Variants in GALNT10 observed in about 807,000 individuals in gnomAD.
GALNT10 encodes the protein GalNAc transferase 10.
A neutral mutation model predicts 75.0 loss-of-function variants in GALNT10; 41 were observed. That is an observed-to-expected ratio of 0.55 (90% CI 0.43 to 0.71). The LOEUF (loss-of-function observed/expected upper bound fraction) is 0.71. GALNT10 is among the 30% of genes least tolerant of loss of function. GALNT10 has a pLI of 0.00. For missense variants in GALNT10, 727 were observed against 818.5 expected, an observed-to-expected ratio of 0.89 and a Z score of 1.36; for synonymous variants, 302 against 313.0, an observed-to-expected ratio of 0.96 and a Z score of 0.37.
intron 1 of GALNT10, among the ~76,000 whole-genome samples, chr5:154,271,696 A>T (rs963892288): frequency 3.9e-5 from 6 of 152,210 alleles, no homozygotes; most frequent in Admixed American, 3.9e-4. Flanking sequence ...TGGATGCCAC[A>T]TGTCCAGTCA....
chr5:154,342,479 T>A (rs984819044), intron 4 of GALNT10, among the ~76,000 whole-genome samples: 5 of 152,214 alleles, frequency 3.3e-5, no homozygotes, highest in Admixed American at 6.5e-5. Context: ...GATTCGGTGG[T>A]TCTAGGGTGG....
intron 3 of GALNT10, among the ~76,000 whole-genome samples, chr5:154,305,088 G>T (rs1489721965): frequency 6.6e-6 from 1 of 152,088 alleles, no homozygotes; most frequent in African/African-American, 2.4e-5. Flanking sequence ...GATCGCTTAA[G>T]CCTAGGAGTT....
chr5:154,313,873 C>T (rs1375996483), intron 3 of GALNT10, among the ~76,000 whole-genome samples: 2 of 152,190 alleles, frequency 1.3e-5, no homozygotes, highest in Non-Finnish European at 2.9e-5. Flanking sequence ...TTTTCACACT[C>T]TACCCACTAA....
chr5:154,394,966 C>T (rs1047742002), intron 7 of GALNT10, among the ~76,000 whole-genome samples: 6 of 152,224 alleles, frequency 3.9e-5, no homozygotes, highest in Admixed American at 1.3e-4. Context: ...GCATTCTGCT[C>T]ATGACTCTCG....
intron 8 of GALNT10, among the ~76,000 whole-genome samples, chr5:154,407,534 AC>A (rs758270530): frequency 2.4e-4 from 36 of 152,284 alleles, no homozygotes; most frequent in Admixed American, 1.2e-3. Context: ...ATCATTCTTA[AC>A]CAGTCTGGCC....
intron 4 of GALNT10, among the ~76,000 whole-genome samples, chr5:154,354,747 C>T (rs888680119): frequency 6.6e-6 from 1 of 152,112 alleles, no homozygotes; most frequent in African/African-American, 2.4e-5. Flanking sequence ...GTGTCTAGTA[C>T]GTCTTTATAT....
intron 1 of GALNT10, among the ~76,000 whole-genome samples, chr5:154,280,847 T>C (rs537242738): frequency 2.0e-5 from 3 of 152,334 alleles, no homozygotes; most frequent in African/African-American, 7.2e-5. Context: ...GACATATGAA[T>C]ATCTAATTGT....
rs1033506783 is a variant in GALNT10 at position 154,402,409 on chromosome 5, G to A, written c.1057-1695G>A. On this transcript the variant is annotated intron_variant, in intron 7 of 11. Coordinates refer to ENST00000297107, the MANE Select transcript of GALNT10 (RefSeq NM_198321.4). This position sits in a 1 kb window ranked among gnomAD's most constrained non-coding sequence, Gnocchi z 4.2. ...CGAAGTGAGGCTTTCCCTGACTGGG[G>A]AGCATAAAGTAGCATCTCTCACATC... Among the ~76,000 whole-genome samples the A allele has an allele frequency of 2.0e-5, 3 of 152,192 alleles. No individual in the cohort carries two copies. The highest frequency in any genetic ancestry group is 7.2e-5 in the African/African-American group (3 of 41,432).
intron 4 of GALNT10, among the ~76,000 whole-genome samples, chr5:154,333,537 T>C (rs1754897907): frequency 6.6e-6 from 1 of 152,114 alleles, no homozygotes. Context: ...GTGTACATAG[T>C]GGTAAAGATA....
At chr5:154,326,649 C>T (rs1457577028) in intron 3 of GALNT10, among the ~76,000 whole-genome samples, 1 of 152,052 alleles carries the variant, frequency 6.6e-6, no homozygotes, top group Non-Finnish European at 1.5e-5. Context: ...ACACAAAAAG[C>T]CTCAAATATG....
intron 1 of GALNT10, among the ~76,000 whole-genome samples, chr5:154,193,391 T>C (rs2113637153): frequency 6.6e-6 from 1 of 152,362 alleles, no homozygotes; most frequent in South Asian, 2.1e-4. Context: ...GTTGTTTGAA[T>C]GTCAGCTGGC....
At chr5:154,222,511 A>T (rs1188639016) in intron 1 of GALNT10, among the ~76,000 whole-genome samples, 1 of 152,114 alleles carries the variant, frequency 6.6e-6, no homozygotes, top group Non-Finnish European at 1.5e-5. Flanking sequence ...ATTGTATGGT[A>T]TATATATATC....
At chr5:154,377,649 G>A (rs1437082905) in intron 5 of GALNT10, among the ~76,000 whole-genome samples, 1 of 152,152 alleles carries the variant, frequency 6.6e-6, no homozygotes, top group Non-Finnish European at 1.5e-5. Flanking sequence ...ACAGAAAGCA[G>A]AACCCACACA....
chr5:154,258,020 A>G (rs1421614336), intron 1 of GALNT10, among the ~76,000 whole-genome samples: 2 of 152,194 alleles, frequency 1.3e-5, no homozygotes, highest in African/African-American at 4.8e-5. Context: ...CAGAATAAAT[A>G]CGGCATTTCT....
intron 7 of GALNT10, among the ~76,000 whole-genome samples, chr5:154,393,514 A>C (rs1308452108): frequency 6.6e-6 from 1 of 152,154 alleles, no homozygotes; most frequent in Non-Finnish European, 1.5e-5. Flanking sequence ...ATAAGTACGT[A>C]TTACTTCTGT....
rs535441938 is a variant in GALNT10, at chr5:154,296,052, G to A, written c.262+1134G>A. ...TCTGGAGATGCCAGAAAATGAGAAG[G>A]GGGAATGGGTGCTGCTCTTTTTTTG... is the stretch of plus-strand genomic sequence containing the variant. On this transcript the variant is annotated intron_variant, in intron 2 of 11. Transcript: ENST00000297107. Among the ~76,000 whole-genome samples, 3 of 152,226 alleles carry A rather than the reference G, an allele frequency of 2.0e-5. No homozygotes were observed. In the South Asian group the frequency reaches 6.2e-4, roughly 32 times the overall value.
intron 3 of GALNT10, among the ~76,000 whole-genome samples, chr5:154,317,806 T>C (rs1754617101): frequency 1.3e-5 from 2 of 152,230 alleles, no homozygotes; most frequent in Non-Finnish European, 2.9e-5. Flanking sequence ...AGGCCAGGAA[T>C]AGACCTTGGC....
intron 4 of GALNT10, among the ~76,000 whole-genome samples, chr5:154,343,597 T>A (rs1473713674): frequency 6.6e-6 from 1 of 152,074 alleles, no homozygotes; most frequent in Admixed American, 6.5e-5. Flanking sequence ...TGGAATAAAT[T>A]CCTCCTGAAA....
At chr5:154,326,473 A>G (rs1754758646) in intron 3 of GALNT10, among the ~76,000 whole-genome samples, 1 of 152,250 alleles carries the variant, frequency 6.6e-6, no homozygotes, top group Non-Finnish European at 1.5e-5. Flanking sequence ...TATTCATAAT[A>G]GCCAAAAGGG....
Sources: allele counts gnomAD v4.1 joint callset (sites outside exome capture counted in the v4.1 genomes callset), GRCh38; gene constraint gnomAD v4.1.1; non-coding constraint Gnocchi (gnomAD v3.1); transcripts MANE v1.5; gene names NCBI Gene and HGNC (gene_info 2026-07-23, HGNC 2026-07-21).